VPS16: variants seen among roughly 807,000 people sequenced by gnomAD.
VPS16 encodes vacuolar protein sorting-associated protein 16 homolog.
In VPS16, 82 loss-of-function variants were observed where a neutral mutation model predicts 116.0. That is an observed-to-expected ratio of 0.71 (90% CI 0.59 to 0.85). VPS16 has a LOEUF of 0.85. Among genes scored for constraint, VPS16 ranks in the 40% least tolerant of loss-of-function variants. VPS16 has a pLI of 0.00. For synonymous variants in VPS16, 406 were observed against 420.7 expected (o/e 0.96, Z 0.43); for missense variants, 928 against 1,090.6 (o/e 0.85, Z 2.10).
At chr20:2,850,978 A>G (rs570133029) in intron 1 of VPS16, among the ~76,000 whole-genome samples, 68 of 151,164 alleles carry the variant, frequency 4.5e-4, no homozygotes, top group African/African-American at 1.4e-3. Flanking sequence ...AAAAAAAAAA[A>G]AAAAAGAAAA....
chr20:2,857,705 A>ATTTG (rs947909471), intron 1 of VPS16, among the ~76,000 whole-genome samples: 7 of 148,890 alleles, frequency 4.7e-5, no homozygotes, highest in African/African-American at 1.8e-4. Context: ...AATTTTATTT[A>ATTTG]TTTGTTTATT....
rs2089276031 is a variant in VPS16, at chr20:2,863,814, G to GA, written c.1477-133dup. ...GGAGGAGGAGGGAAAGAGAGAGAAA[G>GA]AAGAAAGAGAGAAAGAAAGAAAGAA... On this transcript the variant is annotated intron_variant, in intron 15 of 23. Transcript: ENST00000380445. This position sits in a 1 kb window ranked among gnomAD's most constrained non-coding sequence, Gnocchi z 4.4. 2 of 1,208,910 alleles carry GA rather than the reference G, an allele frequency of 1.7e-6. No homozygotes were observed. The highest frequency in any genetic ancestry group is 2.2e-6 in the Non-Finnish European group (2 of 911,706). 74.9% of individuals were successfully genotyped at this position (1,208,910 alleles called of 1,614,324 possible).
chr20:2,846,994 G>A (rs987201083), intron 1 of VPS16, among the ~76,000 whole-genome samples: 1 of 152,130 alleles, frequency 6.6e-6, no homozygotes, highest in Non-Finnish European at 1.5e-5. Flanking sequence ...CACTAAGTGT[G>A]TGGCCTCTCT....
intron 1 of VPS16, among the ~76,000 whole-genome samples, chr20:2,856,768 A>C (rs2089175691): frequency 6.6e-6 from 1 of 152,198 alleles, no homozygotes; most frequent in Admixed American, 6.6e-5. Flanking sequence ...TTATTTGCTC[A>C]ATTCTGAGAT....
rs1568620533 is a variant in VPS16, at chr20:2,842,681, T to TCTATCTATAG, written c.53+1854_53+1855insCTATCTATAG. On this transcript the variant is annotated intron_variant, in intron 1 of 23. Transcript: ENST00000380445. ...AGATATATAGATGTATCTATATATA[T>TCTATCTATAG]ATAGATACATCTAGATGTATCTATA... is the stretch of plus-strand genomic sequence containing the variant. Among the ~76,000 whole-genome samples the TCTATCTATAG allele has an allele frequency of 1.5e-3, 154 of 106,206 alleles. 12 individuals are homozygous for TCTATCTATAG. Among genetic ancestry groups the TCTATCTATAG allele is most frequent in the African/African-American group, 7.6e-3 (129 of 17,026 alleles). 69.7% of individuals were successfully genotyped at this position (106,206 alleles called of 152,430 possible).
At chr20:2,854,238 T>TAACACACACAC (rs1555796638) in intron 1 of VPS16, among the ~76,000 whole-genome samples, 1 of 139,806 alleles carries the variant, frequency 7.2e-6, no homozygotes, top group Non-Finnish European at 1.5e-5. Context: ...ACCCCGTCTC[T>TAACACACACAC]ACACACACAC....
intron 1 of VPS16, among the ~76,000 whole-genome samples, chr20:2,852,478 T>G (rs1475158703): frequency 6.6e-6 from 1 of 152,140 alleles, no homozygotes; most frequent in African/African-American, 2.4e-5. Flanking sequence ...CCCAATGATT[T>G]TAGTTATAGA....
Position 2,865,369 on chromosome 20 carries a change from G to A in VPS16, c.2175-30G>A, listed in dbSNP as rs1258074574. Reference sequence around the variant, plus strand: ...GGTCCCAGGACCACCTGCCTCTCCTGCAACACCTCCAAGCCCAGCTTTCCT... The same window carrying A: ...GGTCCCAGGACCACCTGCCTCTCCTACAACACCTCCAAGCCCAGCTTTCCT... On this transcript the variant is annotated intron_variant, in intron 21 of 23. Coordinates refer to ENST00000380445, the MANE Select transcript of VPS16 (RefSeq NM_022575.4). This position sits in a 1 kb window ranked among gnomAD's most constrained non-coding sequence, Gnocchi z 5.2. 1.2e-6 allele frequency: 2 copies of A among 1,613,992 alleles called. No individual in the cohort carries two copies. The highest frequency in any genetic ancestry group is 1.3e-5 in the African/African-American group (1 of 75,062).
Position 2,860,937 on chromosome 20 carries a change from A to G in VPS16, c.631-33A>G, listed in dbSNP as rs372780333. The G allele has an allele frequency of 1.9e-6, 3 of 1,613,894 alleles. No individual in the cohort carries two copies. The highest frequency in any genetic ancestry group is 2.5e-6 in the Non-Finnish European group (3 of 1,180,030). The stretch of plus-strand genomic sequence containing the variant: ...GGGAGGTTCTGAAAAGTCAGTATGT[A>G]TCTGTCCCACCCCTACCCTGGCTCT... On this transcript the variant is annotated intron_variant, in intron 6 of 23. Transcript: ENST00000380445. The surrounding 1 kb of genome is among the most constrained non-coding windows in gnomAD (Gnocchi z 6.1).
chr20:2,840,834 T>TGCC lies in VPS16; in HGVS notation c.53+8_53+10dup. The TGCC allele has an allele frequency of 6.5e-7, 1 of 1,538,686 alleles. No homozygotes were observed. On this transcript the variant is annotated splice_region_variant and intron_variant, in intron 1 of 23. Coordinates refer to ENST00000380445, the MANE Select transcript of VPS16 (RefSeq NM_022575.4). ...GGGACTCTGCCTTTTACCGGTGAGC[T>TGCC]GCCCCGCCCTCCCGCCCACGGCCTG...
Position 2,862,699 on chromosome 20 carries a change from A to C in VPS16, c.1192A>C (p.Ser398Arg), listed in dbSNP as rs142410935. 4.1e-5 allele frequency: 58 copies of C among 1,423,666 alleles called. No homozygotes were observed. The highest frequency in any genetic ancestry group is 5.2e-5 in the Non-Finnish European group (56 of 1,071,888). The allele number at this position is 1,423,666 out of a possible 1,614,324, so 88.2% of individuals were successfully genotyped here. The change falls in exon 12 of 24, where the codon AGT becomes CGT. Residue 398 changes from serine to arginine, a missense_variant. Transcript: ENST00000380445. ...TGAGCACCAGCCAGACATGCAGAAGAGTCTGCTCAGGGTTGGCCTGGATGG... is the reference window on the plus strand; with the variant it reads ...TGAGCACCAGCCAGACATGCAGAAGCGTCTGCTCAGGGTTGGCCTGGATGG... ...GHEHQPDMQK[S>R]LLRAASFGKC... is the part of the protein sequence containing the mutation.
At position 2,860,115 on chromosome 20, in the gene VPS16, A is replaced by G. The variant is rs1263834710; in HGVS notation, c.204A>G (p.Ile68Met). Reference sequence around the variant, plus strand: ...CTAGTGTGAGGCCAGTGCTCGATATATACTCTGCTTCCGGCATGCCTCTGG... The same window carrying G: ...CTAGTGTGAGGCCAGTGCTCGATATGTACTCTGCTTCCGGCATGCCTCTGG... ...KAASVRPVLD[I>M]YSASGMPLAS... Residue 68 changes from isoleucine to methionine, a missense_variant, in exon 3 of 24, where the codon ATA becomes ATG. By Grantham distance (10) the Ile-to-Met change is conservative (BLOSUM62 1). Coordinates refer to ENST00000380445, the MANE Select transcript of VPS16 (RefSeq NM_022575.4). This position sits in a 1 kb window ranked among gnomAD's most constrained non-coding sequence, Gnocchi z 6.1. 14 of 1,614,014 alleles carry G rather than the reference A, an allele frequency of 8.7e-6. No homozygotes were observed. The highest frequency in any genetic ancestry group is 1.0e-5 in the Non-Finnish European group (12 of 1,180,006).
Position 2,865,533 on chromosome 20 carries a change from G to C in VPS16, c.2271+38G>C. The C allele has an allele frequency of 6.9e-6, 11 of 1,593,520 alleles. No individual in the cohort carries two copies. The highest frequency in any genetic ancestry group is 9.4e-6 in the Non-Finnish European group (11 of 1,165,892). ...CCTCCCTCCAGCCCACTTCCAGTGA[G>C]GGTAGTCTTCGGGAGAGAGGGCTAG... On this transcript the variant is annotated intron_variant, in intron 22 of 23. Coordinates refer to ENST00000380445, the MANE Select transcript of VPS16 (RefSeq NM_022575.4). This position sits in a 1 kb window ranked among gnomAD's most constrained non-coding sequence, Gnocchi z 5.2.
intron 1 of VPS16, among the ~76,000 whole-genome samples, chr20:2,854,297 A>G (rs1292050073): frequency 7.0e-6 from 1 of 142,514 alleles, no homozygotes; most frequent in Non-Finnish European, 1.5e-5. Context: ...AGCATGCGCC[A>G]GTAGTCCCAG....
Position 2,863,020 on chromosome 20 carries a change from G to A in VPS16, c.1332-45G>A. 6.2e-7 allele frequency: 1 copy of A among 1,614,094 alleles called. No individual in the cohort carries two copies. Among genetic ancestry groups the A allele is most frequent in the Non-Finnish European group, 8.5e-7 (1 of 1,180,028 alleles). ...AGATGCGTCTGCAGGTACCTGGCAA[G>A]CGGGGCTTATTCTCCAACTGGATCC... On this transcript the variant is annotated intron_variant, in intron 13 of 23. Coordinates refer to ENST00000380445, the MANE Select transcript of VPS16 (RefSeq NM_022575.4). The surrounding 1 kb of genome is among the most constrained non-coding windows in gnomAD (Gnocchi z 4.4).
intron 12 of VPS16, 21 bp downstream of exon 12, chr20:2,862,731 C>A: frequency 3.7e-6 from 1 of 273,858 alleles, no homozygotes; most frequent in Non-Finnish European, 6.2e-6. Context: ...ATGGCCGGGC[C>A]GGGGAGGGTG....
At chr20:2,841,476 C>T (rs2088973524) in intron 1 of VPS16, among the ~76,000 whole-genome samples, 1 of 152,244 alleles carries the variant, frequency 6.6e-6, no homozygotes, top group Non-Finnish European at 1.5e-5. Flanking sequence ...CGCTCTCCTA[C>T]CCAAATCTTG....
rs747141572 is a variant in VPS16, at chr20:2,865,009, C to T, written c.1958C>T (p.Thr653Ile). 4 of 1,614,168 alleles carry T rather than the reference C, an allele frequency of 2.5e-6. No individual in the cohort carries two copies. Among genetic ancestry groups the T allele is most frequent in the Non-Finnish European group, 3.4e-6 (4 of 1,180,032 alleles). The change falls in exon 20 of 24, where the codon ACA becomes ATA. Residue 653 changes from threonine (T) to isoleucine (I), a missense_variant. By Grantham distance (89) the Thr-to-Ile change is moderately conservative (BLOSUM62 -1). Coordinates refer to ENST00000380445, the MANE Select transcript of VPS16 (RefSeq NM_022575.4). This position sits in a 1 kb window ranked among gnomAD's most constrained non-coding sequence, Gnocchi z 5.2. ...GAGGGGCGAGTAGCAGCTCTGCAGA[C>T]AGCCGCCGATGCCTTCTACAAGGCC... ...RIEGRVAALQ[T>I]AADAFYKAKN...
At chr20:2,866,025 G>A (rs914588483) in intron 22 of VPS16, 187 bp from the exon 23 acceptor site, 15 of 614,848 alleles carry the variant, frequency 2.4e-5, no homozygotes, top group Non-Finnish European at 4.3e-5. Context: ...TGGTTTAGGT[G>A]ATTTCTGCCC....
Sources: gnomAD v4.1 joint callset for allele counts (sites outside exome capture counted in the v4.1 genomes callset) on GRCh38, gnomAD v4.1.1 for gene constraint, Gnocchi (gnomAD v3.1) non-coding constraint, MANE v1.5 for transcripts, NCBI Gene and HGNC (gene_info 2026-07-23, HGNC 2026-07-21) for gene names.